FOXB2: variants seen among roughly 807,000 people sequenced by gnomAD.
The protein encoded by FOXB2 is forkhead box protein B2.
FOXB2 carries 1 observed loss-of-function variant against 0.9 expected under a neutral mutation model. The ratio of observed to expected loss-of-function variants is 1.09; its 90% confidence interval spans 0.39 to 5.18. FOXB2 has a LOEUF of 5.18. FOXB2 is among the 30% of genes most tolerant of loss of function. The probability of loss-of-function intolerance (pLI) is 0.16; values close to 1 mark genes in which losing one functional copy is unlikely to be tolerated. For synonymous variants in FOXB2, 322 were observed against 293.5 expected, an observed-to-expected ratio of 1.10 and a Z score of -0.99; for missense variants, 670 against 626.6, an observed-to-expected ratio of 1.07 and a Z score of -0.74.
Position 77,020,305 on chromosome 9 carries a change from G to A in FOXB2, c.651G>A (p.Met217Ile). The A allele has an allele frequency of 7.8e-7, 1 of 1,286,960 alleles. No homozygotes were observed. The highest frequency in any genetic ancestry group is 1.0e-6 in the Non-Finnish European group (1 of 1,000,758). 79.7% of individuals were successfully genotyped at this position (1,286,960 alleles called of 1,614,324 possible). Residue 217 changes from methionine to isoleucine, a missense_variant, in exon 1 of 1, where the codon ATG (methionine) becomes ATA (isoleucine). Met to Ile is a conservative substitution (Grantham distance 10, BLOSUM62 1). Coordinates refer to ENST00000376708, the MANE Select transcript of FOXB2 (RefSeq NM_001013735.1). The surrounding 1 kb of genome is among the most constrained non-coding windows in gnomAD (Gnocchi z 4.9). ...AGCAGCCGTCTCACCCCGGCAAGAT[G>A]CAGGAGGCGGCGGCCGTGGCGGCGG... ...QPQQPSHPGKMQEAAAVAAAA... is the reference protein window; with the variant it reads ...QPQQPSHPGKIQEAAAVAAAA...
In FOXB2 at chr9:77,019,786, G is replaced by A. The variant is rs1349244941; in HGVS notation, c.132G>A (p.Met44Ile). 3 of 1,614,134 alleles carry A rather than the reference G, an allele frequency of 1.9e-6. No individual in the cohort carries two copies. Among genetic ancestry groups the A allele is most frequent in the Non-Finnish European group, 2.5e-6 (3 of 1,180,016 alleles). ...TGAGCGACATCTACAAGTTCATCAT[G>A]GAGCGCTTCCCCTACTACCGCGAGC... ...LPLSDIYKFIMERFPYYREHT... is the reference protein window; with the variant it reads ...LPLSDIYKFIIERFPYYREHT... Residue 44 changes from methionine (M) to isoleucine (I), a missense_variant, in exon 1 of 1, where the codon ATG (methionine) becomes ATA (isoleucine). Physicochemically the swap from Met to Ile is conservative, Grantham distance 10 (BLOSUM62 1). Transcript: ENST00000376708. The surrounding 1 kb of genome is among the most constrained non-coding windows in gnomAD (Gnocchi z 4.4).
chr9:77,020,107 C>G lies in FOXB2; in HGVS notation c.453C>G (p.His151Gln). ...ACCCCCACCACCACCATCATCACCA[C>G]GCTGCCGCACACCACCACCATCACC... ...HHHPHHHHHH[H>Q]AAAHHHHHHH... Residue 151 changes from histidine (H) to glutamine (Q), a missense_variant, in exon 1 of 1, where the codon CAC becomes CAG. Coordinates refer to ENST00000376708, the MANE Select transcript of FOXB2 (RefSeq NM_001013735.1). The surrounding 1 kb of genome is among the most constrained non-coding windows in gnomAD (Gnocchi z 4.9). 1 of 1,496,910 alleles carries G rather than the reference C, an allele frequency of 6.7e-7. No homozygotes were observed. The highest frequency in any genetic ancestry group is 9.0e-7 in the Non-Finnish European group (1 of 1,109,772). The allele number at this position is 1,496,910 out of a possible 1,614,324, so 92.7% of individuals were successfully genotyped here. A position where few individuals can be genotyped will look rare whatever the true frequency, so the allele number is the denominator to read the frequency against.
Position 77,019,958 on chromosome 9 carries a change from T to C in FOXB2, c.304T>C (p.Phe102Leu). ...CGGGGACATGTTCGAGAACGGCAGCTTCCTGCGGCGTCGCAAGCGCTTCAA... is the reference window on the plus strand; with the variant it reads ...CGGGGACATGTTCGAGAACGGCAGCCTCCTGCGGCGTCGCAAGCGCTTCAA... ...DCGDMFENGS[F>L]LRRRKRFKVL... The change falls in exon 1 of 1, where the codon TTC becomes CTC. Residue 102 changes from phenylalanine to leucine, a missense_variant. Transcript: ENST00000376708. The surrounding 1 kb of genome is among the most constrained non-coding windows in gnomAD (Gnocchi z 4.4). 1 of 1,613,076 alleles carries C rather than the reference T, an allele frequency of 6.2e-7. No individual in the cohort carries two copies.
In FOXB2 at chr9:77,020,165, C is replaced by G. The variant is rs774975616; in HGVS notation, c.511C>G (p.Pro171Ala). 8.2e-7 allele frequency: 1 copy of G among 1,216,272 alleles called. No homozygotes were observed. The highest frequency in any genetic ancestry group is 1.2e-6 in the Non-Finnish European group (1 of 836,320). The allele number at this position is 1,216,272 out of a possible 1,614,324, so 75.3% of individuals were successfully genotyped here. A position where few individuals can be genotyped will look rare whatever the true frequency, so the allele number is the denominator to read the frequency against. ...HPPQPPPPPP[P>A]PPPHMVHYFH... is the part of the protein sequence containing the mutation. ...ACCCCAGCCGCCGCCGCCGCCGCCC[C>G]CGCCGCCGCCGCACATGGTACACTA... The change falls in exon 1 of 1, where the codon CCG becomes GCG. Residue 171 changes from proline to alanine, a missense_variant. Coordinates refer to ENST00000376708, the MANE Select transcript of FOXB2 (RefSeq NM_001013735.1). This position sits in a 1 kb window ranked among gnomAD's most constrained non-coding sequence, Gnocchi z 4.9.
Position 77,019,903 on chromosome 9 carries a change from G to C in FOXB2, c.249G>C (p.Lys83Asn). 1 of 1,613,832 alleles carries C rather than the reference G, an allele frequency of 6.2e-7. No homozygotes were observed. The highest frequency in any genetic ancestry group is 8.5e-7 in the Non-Finnish European group (1 of 1,180,018). The change falls in exon 1 of 1, where the codon AAG becomes AAC. Residue 83 changes from lysine to asparagine, a missense_variant. Lys to Asn is a moderately conservative substitution (Grantham distance 94, BLOSUM62 0). Transcript: ENST00000376708. The surrounding 1 kb of genome is among the most constrained non-coding windows in gnomAD (Gnocchi z 4.4). Reference protein sequence around the residue: ...KIPRRPDQPGKGSFWALHPDC... With the variant: ...KIPRRPDQPGNGSFWALHPDC... ...CGCGGAGGCCCGACCAGCCTGGCAA[G>C]GGTAGCTTCTGGGCGCTGCACCCCG...
chr9:77,020,317 G>A lies in FOXB2; in HGVS notation c.663G>A (p.Ala221=). ...ACCCCGGCAAGATGCAGGAGGCGGC[G>A]GCCGTGGCGGCGGCGGCGGCGGCGG... is the stretch of plus-strand genomic sequence containing the variant. ...PSHPGKMQEA[A]AVAAAAAAAA... The change falls in exon 1 of 1, where the codon GCG becomes GCA. Residue 221 remains alanine, a synonymous_variant. Transcript: ENST00000376708. This position sits in a 1 kb window ranked among gnomAD's most constrained non-coding sequence, Gnocchi z 4.9. The A allele has an allele frequency of 2.4e-6, 3 of 1,246,072 alleles. No individual in the cohort carries two copies. Among genetic ancestry groups the A allele is most frequent in the Non-Finnish European group, 3.0e-6 (3 of 992,720 alleles). 77.2% of individuals were successfully genotyped at this position (1,246,072 alleles called of 1,614,324 possible). A position where few individuals can be genotyped will look rare whatever the true frequency, so the allele number is the denominator to read the frequency against.
In FOXB2 at chr9:77,020,547, T is replaced by G; in HGVS notation, c.893T>G (p.Leu298Arg). The G allele has an allele frequency of 6.2e-7, 1 of 1,610,762 alleles. No homozygotes were observed. Among genetic ancestry groups the G allele is most frequent in the Admixed American group, 1.7e-5 (1 of 59,966 alleles). Residue 298 changes from leucine (L) to arginine (R), a missense_variant, in exon 1 of 1, where the codon CTG (leucine) becomes CGG (arginine). By Grantham distance (102) the Leu-to-Arg change is moderately radical. Transcript: ENST00000376708. This position sits in a 1 kb window ranked among gnomAD's most constrained non-coding sequence, Gnocchi z 4.9. ...CCCTTGGCGTCCGTCATGCACCACCTGGGCTACCCCGTGCCCGGCCAGCTT... is the reference window on the plus strand; with the variant it reads ...CCCTTGGCGTCCGTCATGCACCACCGGGGCTACCCCGTGCCCGGCCAGCTT... The part of the protein sequence containing the change: ...GLPLASVMHH[L>R]GYPVPGQLGN...
Position 77,020,667 on chromosome 9 carries a change from G to A in FOXB2, c.1013G>A (p.Gly338Asp). The A allele has an allele frequency of 6.2e-7, 1 of 1,603,956 alleles. No individual in the cohort carries two copies. ...AAAAAAGVPV[G>D]PEYGAFGVPV... ...GCAGCCGCAGCCGGAGTCCCTGTAG[G>A]CCCGGAGTATGGGGCCTTCGGGGTC... The change falls in exon 1 of 1, where the codon GGC becomes GAC. Residue 338 changes from glycine (G) to aspartate (D), a missense_variant. Physicochemically the swap from Gly to Asp is moderately conservative, Grantham distance 94. Transcript: ENST00000376708. The surrounding 1 kb of genome is among the most constrained non-coding windows in gnomAD (Gnocchi z 4.9).
chr9:77,020,807 C>T lies in FOXB2; in HGVS notation c.1153C>T (p.Pro385Ser), dbSNP rs1293974342. The T allele has an allele frequency of 1.3e-6, 2 of 1,559,200 alleles. No homozygotes were observed. The highest frequency in any genetic ancestry group is 8.6e-7 in the Non-Finnish European group (1 of 1,158,700). Residue 385 changes from proline (P) to serine (S), a missense_variant, in exon 1 of 1, where the codon CCC becomes TCC. By Grantham distance (74) the Pro-to-Ser change is moderately conservative (BLOSUM62 -1). Coordinates refer to ENST00000376708, the MANE Select transcript of FOXB2 (RefSeq NM_001013735.1). The surrounding 1 kb of genome is among the most constrained non-coding windows in gnomAD (Gnocchi z 4.9). Reference sequence around the variant, plus strand: ...CGCGCTGCAGCCGGGGCTCACTGTCCCCGCGGCTTCGCAGCAGCCTCCGGC... The same window carrying T: ...CGCGCTGCAGCCGGGGCTCACTGTCTCCGCGGCTTCGCAGCAGCCTCCGGC... ...VSALQPGLTVPAASQQPPAPS... is the reference protein window; with the variant it reads ...VSALQPGLTVSAASQQPPAPS...
chr9:77,020,375 C>A lies in FOXB2; in HGVS notation c.721C>A (p.Leu241Met). Reference protein sequence around the residue: ...AAAAVGSVGRLSQFPPYGLGS... With the variant: ...AAAAVGSVGRMSQFPPYGLGS... Reference sequence around the variant, plus strand: ...AGCCGCGGTGGGCAGCGTGGGACGCCTGTCTCAGTTCCCACCCTACGGGCT... The same window carrying A: ...AGCCGCGGTGGGCAGCGTGGGACGCATGTCTCAGTTCCCACCCTACGGGCT... The change falls in exon 1 of 1, where the codon CTG (leucine) becomes ATG (methionine). Residue 241 changes from leucine to methionine, a missense_variant. By Grantham distance (15) the Leu-to-Met change is conservative. Transcript: ENST00000376708. The surrounding 1 kb of genome is among the most constrained non-coding windows in gnomAD (Gnocchi z 4.9). 1 of 1,459,008 alleles carries A rather than the reference C, an allele frequency of 6.9e-7. No individual in the cohort carries two copies. 90.4% of individuals were successfully genotyped at this position (1,459,008 alleles called of 1,614,324 possible). A position where few individuals can be genotyped will look rare whatever the true frequency, so the allele number is the denominator to read the frequency against.
chr9:77,020,870 G>T lies in FOXB2; in HGVS notation c.1216G>T (p.Val406Phe). Residue 406 changes from valine (V) to phenylalanine (F), a missense_variant, in exon 1 of 1, where the codon GTT becomes TTT. Val to Phe is a conservative substitution (Grantham distance 50). Coordinates refer to ENST00000376708, the MANE Select transcript of FOXB2 (RefSeq NM_001013735.1). This position sits in a 1 kb window ranked among gnomAD's most constrained non-coding sequence, Gnocchi z 4.9. ...GTGCTCCGCGGCCGCGGCCTCGCCC[G>T]TTGCCTCTCTGCTGGAGCCCACAGC... ...TVCSAAAASP[V>F]ASLLEPTAPT... is the part of the protein sequence containing the mutation. The T allele has an allele frequency of 1.3e-6, 2 of 1,553,872 alleles. No individual in the cohort carries two copies. Among genetic ancestry groups the T allele is most frequent in the Non-Finnish European group, 1.7e-6 (2 of 1,156,538 alleles).
In FOXB2 at chr9:77,020,338, G is replaced by GGCGGCC; in HGVS notation, c.690_695dup (p.Ala233_Ala234dup). 1.6e-6 allele frequency: 2 copies of GGCGGCC among 1,218,090 alleles called. No individual in the cohort carries two copies. The highest frequency in any genetic ancestry group is 2.0e-6 in the Non-Finnish European group (2 of 983,196). The allele number at this position is 1,218,090 out of a possible 1,614,324, so 75.5% of individuals were successfully genotyped here. A position where few individuals can be genotyped will look rare whatever the true frequency, so the allele number is the denominator to read the frequency against. ...CGGCGGCCGTGGCGGCGGCGGCGGC[G>GGCGGCC]GCGGCCGCGGCAGCCGCGGTGGGCA... is the stretch of plus-strand genomic sequence containing the variant. On this transcript the variant is annotated inframe_insertion, in exon 1 of 1. Coordinates refer to ENST00000376708, the MANE Select transcript of FOXB2 (RefSeq NM_001013735.1). This position sits in a 1 kb window ranked among gnomAD's most constrained non-coding sequence, Gnocchi z 4.9.
At position 77,020,294 on chromosome 9, in the gene FOXB2, C is replaced by A; in HGVS notation, c.640C>A (p.Pro214Thr). The A allele has an allele frequency of 6.9e-7, 1 of 1,439,274 alleles. No individual in the cohort carries two copies. The highest frequency in any genetic ancestry group is 9.5e-7 in the Non-Finnish European group (1 of 1,058,144). 89.2% of individuals were successfully genotyped at this position (1,439,274 alleles called of 1,614,324 possible). ...GTCGCAGCCTCAGCAGCCGTCTCAC[C>A]CCGGCAAGATGCAGGAGGCGGCGGC... ...QQSQPQQPSHPGKMQEAAAVA... is the reference protein window; with the variant it reads ...QQSQPQQPSHTGKMQEAAAVA... The change falls in exon 1 of 1, where the codon CCC becomes ACC. Residue 214 changes from proline to threonine, a missense_variant. Transcript: ENST00000376708. The surrounding 1 kb of genome is among the most constrained non-coding windows in gnomAD (Gnocchi z 4.9).
Position 77,020,562 on chromosome 9 carries a change from C to T in FOXB2, c.908C>T (p.Pro303Leu), listed in dbSNP as rs761960806. The change falls in exon 1 of 1, where the codon CCC becomes CTC. Residue 303 changes from proline to leucine, a missense_variant. Pro to Leu is a moderately conservative substitution (Grantham distance 98, BLOSUM62 -3). Transcript: ENST00000376708. This position sits in a 1 kb window ranked among gnomAD's most constrained non-coding sequence, Gnocchi z 4.9. ...ATGCACCACCTGGGCTACCCCGTGC[C>T]CGGCCAGCTTGGCAACGTCGTCAGC... is the stretch of plus-strand genomic sequence containing the variant. ...SVMHHLGYPVPGQLGNVVSSV... is the reference protein window; with the variant it reads ...SVMHHLGYPVLGQLGNVVSSV... 6 of 1,611,112 alleles carry T rather than the reference C, an allele frequency of 3.7e-6. No individual in the cohort carries two copies. The South Asian group carries it at 5.5e-5, about 15-fold the overall frequency.
At position 77,020,765 on chromosome 9, in the gene FOXB2, G is replaced by A; in HGVS notation, c.1111G>A (p.Ala371Thr). 1 of 1,588,798 alleles carries A rather than the reference G, an allele frequency of 6.3e-7. No homozygotes were observed. The highest frequency in any genetic ancestry group is 8.5e-7 in the Non-Finnish European group (1 of 1,172,058). Residue 371 changes from alanine (A) to threonine (T), a missense_variant, in exon 1 of 1, where the codon GCG (alanine) becomes ACG (threonine). Coordinates refer to ENST00000376708, the MANE Select transcript of FOXB2 (RefSeq NM_001013735.1). The surrounding 1 kb of genome is among the most constrained non-coding windows in gnomAD (Gnocchi z 4.9). ...GCCGGTGCCCATCAAGCCCACGCCTGCGCTGCCGCCCGTGTCCGCGCTGCA... is the reference window on the plus strand; with the variant it reads ...GCCGGTGCCCATCAAGCCCACGCCTACGCTGCCGCCCGTGTCCGCGCTGCA... ...AMPVPIKPTP[A>T]LPPVSALQPG...
Position 77,020,127 on chromosome 9 carries a change from A to C in FOXB2, c.473A>C (p.His158Pro), listed in dbSNP as rs1164670842. 14 of 1,381,638 alleles carry C rather than the reference A, an allele frequency of 1.0e-5. No individual in the cohort carries two copies. Among genetic ancestry groups the C allele is most frequent in the African/African-American group, 1.6e-5 (1 of 62,750 alleles). The allele number at this position is 1,381,638 out of a possible 1,614,324, so 85.6% of individuals were successfully genotyped here. A position where few individuals can be genotyped will look rare whatever the true frequency, so the allele number is the denominator to read the frequency against. ...CACCACGCTGCCGCACACCACCACC[A>C]TCACCACCACCCACCCCAGCCGCCG... ...HHHHAAAHHH[H>P]HHHPPQPPPP... is the part of the protein sequence containing the mutation. The change falls in exon 1 of 1, where the codon CAT becomes CCT. Residue 158 changes from histidine to proline, a missense_variant. Physicochemically the swap from His to Pro is moderately conservative, Grantham distance 77 (BLOSUM62 -2). Coordinates refer to ENST00000376708, the MANE Select transcript of FOXB2 (RefSeq NM_001013735.1). The surrounding 1 kb of genome is among the most constrained non-coding windows in gnomAD (Gnocchi z 4.9).
Position 77,020,346 on chromosome 9 carries a change from C to T in FOXB2, c.692C>T (p.Ala231Val). 1.6e-6 allele frequency: 2 copies of T among 1,241,628 alleles called. No individual in the cohort carries two copies. Among genetic ancestry groups the T allele is most frequent in the Non-Finnish European group, 2.0e-6 (2 of 997,852 alleles). The allele number at this position is 1,241,628 out of a possible 1,614,324, so 76.9% of individuals were successfully genotyped here. A position where few individuals can be genotyped will look rare whatever the true frequency, so the allele number is the denominator to read the frequency against. The stretch of plus-strand genomic sequence containing the variant: ...GTGGCGGCGGCGGCGGCGGCGGCCG[C>T]GGCAGCCGCGGTGGGCAGCGTGGGA... ...AAVAAAAAAA[A>V]AAAVGSVGRL... is the part of the protein sequence containing the mutation. Residue 231 changes from alanine (A) to valine (V), a missense_variant, in exon 1 of 1, where the codon GCG becomes GTG. Physicochemically the swap from Ala to Val is moderately conservative, Grantham distance 64 (BLOSUM62 0). Coordinates refer to ENST00000376708, the MANE Select transcript of FOXB2 (RefSeq NM_001013735.1). This position sits in a 1 kb window ranked among gnomAD's most constrained non-coding sequence, Gnocchi z 4.9.
rs200632663 is a variant in FOXB2, at chr9:77,020,854, G to C, written c.1200G>C (p.Ala400=). Reference sequence around the variant, plus strand: ...CGGCGCCATCCACCGTGTGCTCCGCGGCCGCGGCCTCGCCCGTTGCCTCTC... The same window carrying C: ...CGGCGCCATCCACCGTGTGCTCCGCCGCCGCGGCCTCGCCCGTTGCCTCTC... ...QPPAPSTVCS[A]AAASPVASLL... Residue 400 remains alanine (A), a synonymous_variant, in exon 1 of 1, where the codon GCG becomes GCC. Transcript: ENST00000376708. This position sits in a 1 kb window ranked among gnomAD's most constrained non-coding sequence, Gnocchi z 4.9. 3.2e-5 allele frequency: 49 copies of C among 1,548,554 alleles called. No homozygotes were observed. In the African/African-American group the frequency reaches 6.5e-4, roughly 21 times the overall value.
Position 77,020,498 on chromosome 9 carries a change from G to A in FOXB2, c.844G>A (p.Gly282Ser), listed in dbSNP as rs144087504. The A allele has an allele frequency of 6.2e-7, 1 of 1,609,686 alleles. No individual in the cohort carries two copies. The highest frequency in any genetic ancestry group is 2.2e-5 in the East Asian group (1 of 44,480). ...IENIIGRDYK[G>S]VLQAGGLPLA... ...GAACATTATTGGCCGGGACTACAAG[G>A]GCGTGCTGCAGGCTGGAGGGCTGCC... The change falls in exon 1 of 1, where the codon GGC becomes AGC. Residue 282 changes from glycine to serine, a missense_variant. Physicochemically the swap from Gly to Ser is moderately conservative, Grantham distance 56. Coordinates refer to ENST00000376708, the MANE Select transcript of FOXB2 (RefSeq NM_001013735.1). The surrounding 1 kb of genome is among the most constrained non-coding windows in gnomAD (Gnocchi z 4.9).
Sources: gnomAD v4.1 joint callset for allele counts on GRCh38, gnomAD v4.1.1 for gene constraint, Gnocchi (gnomAD v3.1) non-coding constraint, MANE v1.5 for transcripts, NCBI Gene and HGNC (gene_info 2026-07-23, HGNC 2026-07-21) for gene names.